GLRB: variants seen among roughly 807,000 people sequenced by gnomAD.
The protein encoded by GLRB is glycine receptor subunit beta.
Under a neutral mutation model 54.2 loss-of-function variants are expected in GLRB, and 33 were observed. The ratio of observed to expected loss-of-function variants is 0.61; its 90% CI spans 0.46 to 0.81. GLRB has a LOEUF of 0.81. Ranked by LOEUF, GLRB falls within the 40% of genes least tolerant of loss-of-function variation. GLRB has a pLI of 0.00. For synonymous variants in GLRB, 209 were observed against 208.2 expected, an observed-to-expected ratio of 1.00 and a Z score of -0.03; for missense variants, 572 against 584.6, an observed-to-expected ratio of 0.98 and a Z score of 0.22.
chr4:157,162,665 G>GCTTC (rs1377300765), intron 9 of GLRB, among the ~76,000 whole-genome samples: 1 of 152,174 alleles, frequency 6.6e-6, no homozygotes, highest in African/African-American at 2.4e-5. Context: ...TTGCAGAACA[G>GCTTC]CAAATGTTGC....
At chr4:157,159,187 C>A (rs969724618) in intron 9 of GLRB, among the ~76,000 whole-genome samples, 5 of 152,102 alleles carry the variant, frequency 3.3e-5, no homozygotes, top group Non-Finnish European at 5.9e-5. Flanking sequence ...ATTTTGTATC[C>A]TGAGACTTTG....
intron 4 of GLRB, among the ~76,000 whole-genome samples, chr4:157,133,286 A>G (rs745429904): frequency 4.6e-5 from 7 of 151,838 alleles, no homozygotes; most frequent in African/African-American, 1.7e-4. Flanking sequence ...GTAACTGTGG[A>G]CTAATTTTAT....
intron 4 of GLRB, among the ~76,000 whole-genome samples, chr4:157,125,208 T>A (rs561438638): frequency 1.3e-5 from 2 of 151,992 alleles, no homozygotes; most frequent in South Asian, 4.1e-4. Context: ...GAGAGGATAC[T>A]TCTTCAAAAC....
At chr4:157,152,504 C>G (rs1022394426) in intron 8 of GLRB, among the ~76,000 whole-genome samples, 1 of 151,856 alleles carries the variant, frequency 6.6e-6, no homozygotes, top group Non-Finnish European at 1.5e-5. Context: ...TTTTAAAATC[C>G]TAAGTATTTA....
chr4:157,141,476 A>G (rs1470536524), intron 7 of GLRB, among the ~76,000 whole-genome samples: 2 of 151,980 alleles, frequency 1.3e-5, no homozygotes, highest in Non-Finnish European at 2.9e-5. Context: ...AGAAATAATA[A>G]TGCAGCTTCA....
intron 2 of GLRB, among the ~76,000 whole-genome samples, chr4:157,082,429 A>G (rs1468460860): frequency 6.6e-6 from 1 of 152,192 alleles, no homozygotes; most frequent in Non-Finnish European, 1.5e-5. Flanking sequence ...CAAGCAACAT[A>G]GCTCCTGGCA....
rs1204292083 is a variant in GLRB at position 157,136,674 on chromosome 4, A to G, written c.503A>G (p.Asp168Gly). The G allele has an allele frequency of 5.6e-6, 9 of 1,608,114 alleles. No homozygotes were observed. Among genetic ancestry groups the G allele is most frequent in the Non-Finnish European group, 7.7e-6 (9 of 1,174,554 alleles). The change falls in exon 5 of 10, where the codon GAT becomes GGT. Residue 168 changes from aspartate to glycine, a missense_variant. Asp to Gly is a moderately conservative substitution (Grantham distance 94). Coordinates refer to ENST00000264428, the MANE Select transcript of GLRB (RefSeq NM_000824.5). ...QENILLFIFR[D>G]GDVLVSMRLS... Reference sequence around the variant, plus strand: ...AACATCCTCCTCTTTATTTTTCGTGATGGAGATGTCCTTGTCAGCATGAGG... The same window carrying G: ...AACATCCTCCTCTTTATTTTTCGTGGTGGAGATGTCCTTGTCAGCATGAGG...
intron 1 of GLRB, among the ~76,000 whole-genome samples, chr4:157,077,609 C>A (rs188666569): frequency 2.6e-5 from 4 of 152,034 alleles, no homozygotes; most frequent in African/African-American, 9.6e-5. Context: ...CGAAGATAAT[C>A]ATTTTAACGC....
intron 4 of GLRB, among the ~76,000 whole-genome samples, chr4:157,125,260 C>T (rs1222944246): frequency 1.3e-5 from 2 of 151,678 alleles, no homozygotes; most frequent in East Asian, 2.0e-4. Flanking sequence ...TTCCCCAAAA[C>T]AAGAGTTTGA....
chr4:157,125,552 C>A (rs1735986567), intron 4 of GLRB, among the ~76,000 whole-genome samples: 1 of 151,918 alleles, frequency 6.6e-6, no homozygotes, highest in Admixed American at 6.6e-5. Context: ...TGAATTATTT[C>A]TAATTGTATT....
intron 4 of GLRB, among the ~76,000 whole-genome samples, chr4:157,133,383 T>C (rs909426545): frequency 1.3e-5 from 2 of 151,918 alleles, no homozygotes; most frequent in Admixed American, 6.6e-5. Context: ...TAGACCCAGA[T>C]TTCTCTAACT....
At chr4:157,118,702 C>A (rs542234497) in intron 2 of GLRB, among the ~76,000 whole-genome samples, 2 of 151,482 alleles carry the variant, frequency 1.3e-5, no homozygotes, top group South Asian at 4.1e-4. Flanking sequence ...TATATCTCAC[C>A]TACAATGGTT....
intron 7 of GLRB, among the ~76,000 whole-genome samples, chr4:157,140,655 C>T (rs1189388839): frequency 1.3e-5 from 2 of 151,822 alleles, no homozygotes; most frequent in African/African-American, 4.8e-5. Flanking sequence ...TAGACCCTTG[C>T]CCAAGGTCAT....
intron 2 of GLRB, among the ~76,000 whole-genome samples, chr4:157,087,182 G>A (rs148815006): frequency 5.6e-4 from 85 of 152,086 alleles, no homozygotes; most frequent in African/African-American, 1.5e-3. Context: ...TTTTTTGATG[G>A]GATAGTGGTT....
At chr4:157,089,732 A>G (rs1734542661) in intron 2 of GLRB, among the ~76,000 whole-genome samples, 1 of 152,100 alleles carries the variant, frequency 6.6e-6, no homozygotes, top group Non-Finnish European at 1.5e-5. Flanking sequence ...ATTGGTATCT[A>G]TGATTGCTTC....
At chr4:157,119,550 A>G (rs1455993179) in intron 2 of GLRB, among the ~76,000 whole-genome samples, 1 of 151,688 alleles carries the variant, frequency 6.6e-6, no homozygotes, top group African/African-American at 2.4e-5. Context: ...AGAAAGTAAC[A>G]TGGAGTATTT....
intron 9 of GLRB, among the ~76,000 whole-genome samples, chr4:157,162,288 A>T (rs948881965): frequency 6.6e-6 from 1 of 152,134 alleles, no homozygotes; most frequent in Admixed American, 6.5e-5. Context: ...ATCCTCCTTT[A>T]GCTCAGAGAA....
chr4:157,105,218 C>T (rs1467435765), intron 2 of GLRB, among the ~76,000 whole-genome samples: 1 of 151,336 alleles, frequency 6.6e-6, no homozygotes, highest in Non-Finnish European at 1.5e-5. Context: ...TTTTGCATCC[C>T]ATGTTTTAGT....
chr4:157,119,539 T>C (rs1465222083), intron 2 of GLRB, among the ~76,000 whole-genome samples: 1 of 151,820 alleles, frequency 6.6e-6, no homozygotes, highest in Non-Finnish European at 1.5e-5. Context: ...TTTTACTTTA[T>C]AGAAAGTAAC....
Sources: gnomAD v4.1 joint callset for allele counts (sites outside exome capture counted in the v4.1 genomes callset) on GRCh38, gnomAD v4.1.1 for gene constraint, MANE v1.5 for transcripts, NCBI Gene and HGNC (gene_info 2026-07-23, HGNC 2026-07-21) for gene names.